TLE4: variants seen among roughly 807,000 people sequenced by gnomAD.
TLE4 encodes TLE family member 4, transcriptional corepressor, also known as transducin-like enhancer protein 4.
Under a neutral mutation model 92.8 loss-of-function variants are expected in TLE4, and 8 were observed. The ratio of observed to expected loss-of-function variants is 0.09; its 90% CI spans 0.05 to 0.16. TLE4 has a LOEUF of 0.16. TLE4 is among the 10% of genes least tolerant of loss of function. The pLI is 1.00. For synonymous variants in TLE4, 371 were observed against 374.1 expected (o/e 0.99, Z 0.10); for missense variants, 675 against 997.6 (o/e 0.68, Z 4.36).
At chr9:79,666,079 A>G (rs2061340073) in intron 8 of TLE4, among the ~76,000 whole-genome samples, 1 of 152,008 alleles carries the variant, frequency 6.6e-6, no homozygotes, top group Non-Finnish European at 1.5e-5. Context: ...AAATTCCACA[A>G]TTACAAGTGG....
chr9:79,661,168 G>T (rs1466207771), intron 8 of TLE4, among the ~76,000 whole-genome samples: 1 of 152,106 alleles, frequency 6.6e-6, no homozygotes, highest in Admixed American at 6.5e-5. Flanking sequence ...AAAAACATTT[G>T]TTTCTCAAAA....
intron 4 of TLE4, among the ~76,000 whole-genome samples, chr9:79,588,834 A>G (rs1026940429): frequency 2.0e-5 from 3 of 152,210 alleles, no homozygotes; most frequent in Non-Finnish European, 4.4e-5. Flanking sequence ...ATTTATATGC[A>G]TAATTGTGTA....
At chr9:79,649,976 C>G in intron 6 of TLE4, 1 of 934,186 alleles carries the variant, frequency 1.1e-6, no homozygotes, top group Non-Finnish European at 1.4e-6. Context: ...GATGCAGTAG[C>G]ACAATCATGG....
At chr9:79,663,220 A>C (rs1349966187) in intron 8 of TLE4, among the ~76,000 whole-genome samples, 1 of 152,242 alleles carries the variant, frequency 6.6e-6, no homozygotes, top group Non-Finnish European at 1.5e-5. Flanking sequence ...TGAATTAAGC[A>C]GAAACTAAAA....
chr9:79,647,335 G>T (rs527725324), intron 6 of TLE4, among the ~76,000 whole-genome samples: 1 of 151,382 alleles, frequency 6.6e-6, no homozygotes, highest in South Asian at 2.1e-4. Context: ...TCATTAATTA[G>T]TTCAGGGAAA....
At chr9:79,680,593 C>G (rs1467935055) in intron 8 of TLE4, among the ~76,000 whole-genome samples, 1 of 152,210 alleles carries the variant, frequency 6.6e-6, no homozygotes, top group Non-Finnish European at 1.5e-5. Context: ...TTGACTTCCT[C>G]TTTTCCTAAT....
At chr9:79,722,660 G>T in intron 18 of TLE4, 59 bp downstream of exon 18, 1 of 1,585,226 alleles carries the variant, frequency 6.3e-7, no homozygotes. Context: ...CCCCCTTCCT[G>T]TGTTTTTATT....
At chr9:79,594,679 C>T (rs919698078) in intron 4 of TLE4, among the ~76,000 whole-genome samples, 1 of 152,110 alleles carries the variant, frequency 6.6e-6, no homozygotes, top group Non-Finnish European at 1.5e-5. Context: ...TCGTTCACTC[C>T]ACTCCGACAG....
At chr9:79,639,649 A>G (rs777714074) in intron 6 of TLE4, among the ~76,000 whole-genome samples, 1 of 152,132 alleles carries the variant, frequency 6.6e-6, no homozygotes, top group Non-Finnish European at 1.5e-5. Flanking sequence ...TATTTTTACT[A>G]TACCTCTTCT....
At chr9:79,580,799 G>T (rs1219220339) in intron 4 of TLE4, among the ~76,000 whole-genome samples, 1 of 151,864 alleles carries the variant, frequency 6.6e-6, no homozygotes, top group Non-Finnish European at 1.5e-5. Flanking sequence ...TGTTCTAGCT[G>T]AAAGTAACTA....
intron 6 of TLE4, chr9:79,649,969 G>C: frequency 9.9e-7 from 1 of 1,010,924 alleles, no homozygotes; most frequent in Non-Finnish European, 1.3e-6. Context: ...AGGCTGGGAT[G>C]CAGTAGCACA....
intron 8 of TLE4, among the ~76,000 whole-genome samples, chr9:79,692,169 C>T (rs2067217038): frequency 6.6e-6 from 1 of 152,168 alleles, no homozygotes; most frequent in Non-Finnish European, 1.5e-5. Flanking sequence ...CAAACCTAGT[C>T]TTCACTTAGC....
chr9:79,602,363 A>T (rs2045857584), intron 4 of TLE4, among the ~76,000 whole-genome samples: 1 of 152,190 alleles, frequency 6.6e-6, no homozygotes, highest in African/African-American at 2.4e-5. Flanking sequence ...TAGAGAAGAG[A>T]TGTCAGTGAC....
intron 8 of TLE4, among the ~76,000 whole-genome samples, chr9:79,703,890 C>G (rs1023498276): frequency 2.6e-5 from 4 of 152,190 alleles, no homozygotes; most frequent in African/African-American, 9.7e-5. Context: ...TGTCACATGA[C>G]TGCCATCTTT....
At chr9:79,698,954 G>C (rs1333871817) in intron 8 of TLE4, among the ~76,000 whole-genome samples, 2 of 151,216 alleles carry the variant, frequency 1.3e-5, no homozygotes, top group African/African-American at 4.9e-5. Context: ...CAGTTATAAA[G>C]AGCTCAATGA....
chr9:79,573,692 C>T lies in TLE4; in HGVS notation c.49C>T (p.Pro17Ser). 6.3e-7 allele frequency: 1 copy of T among 1,596,294 alleles called. No homozygotes were observed. Among genetic ancestry groups the T allele is most frequent in the Non-Finnish European group, 8.6e-7 (1 of 1,167,144 alleles). Residue 17 changes from proline (P) to serine (S), a missense_variant, in exon 2 of 20, where the codon CCG (proline) becomes TCG (serine). Physicochemically the swap from Pro to Ser is moderately conservative, Grantham distance 74. Transcript: ENST00000376552. Reference sequence around the variant, plus strand: ...ATATTTTATTGTTGTTCTTCAGGCACCGCATCAGCCTGCTCAACCCTTTAA... The same window carrying T: ...ATATTTTATTGTTGTTCTTCAGGCATCGCATCAGCCTGCTCAACCCTTTAA... ...KMYPQTRHPAPHQPAQPFKFT... is the reference protein window; with the variant it reads ...KMYPQTRHPASHQPAQPFKFT...
intron 8 of TLE4, among the ~76,000 whole-genome samples, chr9:79,654,514 A>G (rs527786344): frequency 2.3e-4 from 35 of 150,464 alleles, no homozygotes; most frequent in African/African-American, 8.5e-4. Flanking sequence ...TTTTTTTACC[A>G]CTAGAAATAA....
chr9:79,722,382 A>C, intron 17 of TLE4, 69 bp from the exon 18 acceptor site: 2 of 1,550,272 alleles, frequency 1.3e-6, no homozygotes, highest in Non-Finnish European at 1.8e-6. Context: ...TACAGAAGAG[A>C]TAGTACCTCC....
intron 8 of TLE4, among the ~76,000 whole-genome samples, chr9:79,663,203 A>AT (rs1277680661): frequency 6.6e-6 from 1 of 152,178 alleles, no homozygotes; most frequent in Non-Finnish European, 1.5e-5. Context: ...TTGAAGTTAT[A>AT]TTTTTATGAA....
Sources: gnomAD v4.1 joint callset for allele counts (sites outside exome capture counted in the v4.1 genomes callset) on GRCh38, gnomAD v4.1.1 for gene constraint, MANE v1.5 for transcripts, NCBI Gene and HGNC (gene_info 2026-07-23, HGNC 2026-07-21) for gene names.